The following C8orf34 variants were observed in gnomAD, a reference collection of about 807,000 sequenced individuals.
C8orf34 encodes the protein chromosome 8 open reading frame 34, also known as uncharacterized protein C8orf34.
A neutral mutation model predicts 68.3 loss-of-function variants in C8orf34; 65 were observed. That is an observed-to-expected ratio of 0.95 (90% CI 0.78 to 1.17). The LOEUF is 1.17. Ranked by LOEUF, C8orf34 falls within the 50% of genes most tolerant of loss-of-function variation. The probability of loss-of-function intolerance (pLI) is 0.00; values close to 1 mark genes in which losing one functional copy is unlikely to be tolerated. For missense variants in C8orf34, 664 were observed against 655.4 expected (o/e 1.01, Z -0.14); for synonymous variants, 244 against 241.2 (o/e 1.01, Z -0.11).
At position 68,400,027 on chromosome 8, in the gene C8orf34, G is replaced by A. The variant is rs1008530619; in HGVS notation, c.328-39472G>A. ...AATTATTTGGGGTTTTTGTTGTTGCGGTTGAGTTGCTTGAGTTCCATGTAA... is the reference window on the plus strand; with the variant it reads ...AATTATTTGGGGTTTTTGTTGTTGCAGTTGAGTTGCTTGAGTTCCATGTAA... On this transcript the variant is annotated intron_variant, in intron 1 of 13. Coordinates refer to ENST00000518698, the MANE Select transcript of C8orf34 (RefSeq NM_052958.4). Among the ~76,000 whole-genome samples the A allele has an allele frequency of 2.6e-5, 4 of 151,944 alleles. 1 individual carries two copies. Among genetic ancestry groups the A allele is most frequent in the Admixed American group, 1.3e-4 (2 of 15,256 alleles).
intron 11 of C8orf34, among the ~76,000 whole-genome samples, chr8:68,777,465 C>T (rs906687225): frequency 4.6e-5 from 7 of 152,174 alleles, no homozygotes; most frequent in African/African-American, 1.7e-4. Context: ...AGTGTAAATG[C>T]TCAATGTGGC....
At chr8:68,621,917 C>T (rs182905224) in intron 7 of C8orf34, among the ~76,000 whole-genome samples, 1 of 152,330 alleles carries the variant, frequency 6.6e-6, no homozygotes, top group African/African-American at 2.4e-5. Context: ...CCCACAGTGT[C>T]TGTGGGTCAG....
chr8:68,534,734 G>A lies in C8orf34; in HGVS notation c.1105+1585G>A, dbSNP rs567318112. On this transcript the variant is annotated intron_variant, in intron 7 of 13. Coordinates refer to ENST00000518698, the MANE Select transcript of C8orf34 (RefSeq NM_052958.4). ...GTAAATGGTTCCTCTGCTTTGGACA[G>A]TAACAGGGAAGGGGCAACTGAGATC... is the stretch of plus-strand genomic sequence containing the variant. 5.0e-5 allele frequency: 49 copies of A among 985,350 alleles called. No individual in the cohort carries two copies. The African/African-American group carries it at 6.6e-4, about 13-fold the overall frequency. 61.0% of individuals were successfully genotyped at this position (985,350 alleles called of 1,614,324 possible).
intron 7 of C8orf34, among the ~76,000 whole-genome samples, chr8:68,556,655 G>C (rs574297791): frequency 1.3e-5 from 2 of 152,086 alleles, no homozygotes; most frequent in Non-Finnish European, 2.9e-5. Flanking sequence ...ACGACCCTGC[G>C]AATCAGACCA....
chr8:68,790,869 C>T (rs554612318), intron 12 of C8orf34: 1 of 701,828 alleles, frequency 1.4e-6, no homozygotes, highest in Non-Finnish European at 2.6e-6. Flanking sequence ...ATTTTTCATA[C>T]TTTGGTAATA....
chr8:68,413,136 G>A (rs1809515206), intron 1 of C8orf34, among the ~76,000 whole-genome samples: 1 of 152,156 alleles, frequency 6.6e-6, no homozygotes, highest in East Asian at 1.9e-4. Flanking sequence ...CAAATCTCAA[G>A]TGGCCAGACA....
intron 7 of C8orf34, chr8:68,534,581 G>A: frequency 2.1e-6 from 2 of 967,384 alleles, no homozygotes; most frequent in Non-Finnish European, 2.5e-6. Flanking sequence ...ATGTTTCCTA[G>A]AGAAGCCGAT....
At chr8:68,676,303 C>T (rs2130860359) in intron 8 of C8orf34, among the ~76,000 whole-genome samples, 1 of 152,042 alleles carries the variant, frequency 6.6e-6, no homozygotes, top group Non-Finnish European at 1.5e-5. Context: ...CACTGCATTT[C>T]AGTTTGGGTG....
intron 3 of C8orf34, among the ~76,000 whole-genome samples, chr8:68,453,865 A>T (rs1212204983): frequency 6.6e-6 from 1 of 151,978 alleles, no homozygotes; most frequent in African/African-American, 2.4e-5. Context: ...ATCTTAAGGG[A>T]AATACTTTTG....
intron 7 of C8orf34, among the ~76,000 whole-genome samples, chr8:68,543,428 C>CT (rs1460306891): frequency 2.0e-5 from 3 of 152,076 alleles, no homozygotes; most frequent in Non-Finnish European, 1.5e-5. Flanking sequence ...TAGTGATGTG[C>CT]TTTCTAGATG....
intron 5 of C8orf34, among the ~76,000 whole-genome samples, chr8:68,494,962 A>T (rs958792051): frequency 3.3e-5 from 5 of 151,478 alleles, no homozygotes; most frequent in Admixed American, 6.6e-5. Context: ...ATATGTATAT[A>T]TTCTTTATAA....
chr8:68,411,874 C>T (rs981361654), intron 1 of C8orf34, among the ~76,000 whole-genome samples: 2 of 152,204 alleles, frequency 1.3e-5, no homozygotes, highest in East Asian at 3.9e-4. Flanking sequence ...TGTATCCCTC[C>T]AAAATTCATA....
intron 7 of C8orf34, among the ~76,000 whole-genome samples, chr8:68,609,019 A>G (rs1172985745): frequency 6.6e-6 from 1 of 152,114 alleles, no homozygotes; most frequent in Non-Finnish European, 1.5e-5. Flanking sequence ...GTATAAAAAT[A>G]AAACATTAGC....
In C8orf34 at chr8:68,451,658, C is replaced by T. The variant is rs1811350772; in HGVS notation, c.607+5198C>T. 2.0e-5 allele frequency among the ~76,000 whole-genome samples: 3 copies of T among 152,006 alleles called. No homozygotes were observed. In the South Asian group the frequency reaches 6.2e-4, roughly 31 times the overall value. ...TTTATTGATTAAGTTCACCATCTTACATGGGTGTGGTTTGTGGCACCTGAA... is the reference window on the plus strand; with the variant it reads ...TTTATTGATTAAGTTCACCATCTTATATGGGTGTGGTTTGTGGCACCTGAA... On this transcript the variant is annotated intron_variant, in intron 3 of 13. Transcript: ENST00000518698.
intron 10 of C8orf34, among the ~76,000 whole-genome samples, chr8:68,760,360 C>G (rs547569144): frequency 6.6e-6 from 1 of 152,274 alleles, no homozygotes; most frequent in Non-Finnish European, 1.5e-5. Flanking sequence ...GAAAGAGAGA[C>G]TTGGAAAATT....
rs989648970 is a variant in C8orf34, at chr8:68,534,919, C to CT, written c.1105+1777dup. 1.2e-4 allele frequency: 122 copies of CT among 985,254 alleles called. 1 individual carries two copies. In the African/African-American group the frequency reaches 2.1e-3, roughly 17 times the overall value. 61.0% of individuals were successfully genotyped at this position (985,254 alleles called of 1,614,324 possible). A position where few individuals can be genotyped will look rare whatever the true frequency, so the allele number is the denominator to read the frequency against. ...AATTAATAACTAGTCCTCATTAATT[C>CT]TTTTTTTAGACATTTTAGCCTGTGG... is the stretch of plus-strand genomic sequence containing the variant. On this transcript the variant is annotated intron_variant, in intron 7 of 13. Transcript: ENST00000518698.
intron 8 of C8orf34, among the ~76,000 whole-genome samples, chr8:68,699,210 T>C (rs7012051): frequency 0.1 from 15,569 of 151,518 alleles, 1,441 homozygotes; most frequent in African/African-American, 0.25. Context: ...CCTTAACTGC[T>C]TATGTCCATT....
chr8:68,808,079 G>T (rs1026058642), intron 12 of C8orf34, among the ~76,000 whole-genome samples: 1 of 152,134 alleles, frequency 6.6e-6, no homozygotes, highest in Non-Finnish European at 1.5e-5. Flanking sequence ...TTTAGAGGAA[G>T]CATGTCTCCA....
intron 3 of C8orf34, among the ~76,000 whole-genome samples, chr8:68,451,777 A>G (rs7828498): frequency 0.43 from 65,785 of 151,806 alleles, 14,689 homozygotes; most frequent in East Asian, 0.58. Flanking sequence ...TGTGAGATTT[A>G]CCAAAATATT....
Sources: gnomAD v4.1 joint callset for allele counts (sites outside exome capture counted in the v4.1 genomes callset) on GRCh38, gnomAD v4.1.1 for gene constraint, MANE v1.5 for transcripts, NCBI Gene and HGNC (gene_info 2026-07-23, HGNC 2026-07-21) for gene names.